AGAP1: variants seen among roughly 807,000 people sequenced by gnomAD.
AGAP1 encodes ArfGAP with GTPase domain, ankyrin repeat and PH domain 1, also known as arf-GAP with GTPase, ANK repeat and PH domain-containing protein 1.
In AGAP1, 29 loss-of-function variants were observed where a neutral mutation model predicts 105.3. The ratio of observed to expected loss-of-function variants is 0.28; its 90% CI spans 0.21 to 0.38. The LOEUF is 0.38. Ranked by LOEUF, AGAP1 falls within the 10% of genes least tolerant of loss-of-function variation. AGAP1 has a pLI of 1.00. For synonymous variants in AGAP1, 509 were observed against 485.9 expected (o/e 1.05, Z -0.63); for missense variants, 998 against 1,165.1 (o/e 0.86, Z 2.09).
intron 9 of AGAP1, among the ~76,000 whole-genome samples, chr2:235,818,519 T>C (rs372761637): frequency 2.8e-4 from 43 of 152,360 alleles, no homozygotes; most frequent in African/African-American, 1.0e-3. Context: ...CTCAGCTCAC[T>C]GCAACCTCTG....
rs1408593979 is a variant in AGAP1 at position 235,866,665 on chromosome 2, T to C, written c.1051-16680T>C. Among the ~76,000 whole-genome samples the C allele has an allele frequency of 6.6e-6, 1 of 152,216 alleles. No individual in the cohort carries two copies. The highest frequency in any genetic ancestry group is 1.5e-5 in the Non-Finnish European group (1 of 68,032). On this transcript the variant is annotated intron_variant, in intron 9 of 17. Coordinates refer to ENST00000304032, the MANE Select transcript of AGAP1 (RefSeq NM_001037131.3). The surrounding 1 kb of genome is among the most constrained non-coding windows in gnomAD (Gnocchi z 6.1). ...TGCCATAACAGAAGACCACAGACTT[T>C]GTCTTAAACAGCAAACATTTATTGT...
chr2:236,040,757 C>T lies in AGAP1; in HGVS notation c.1807C>T (p.Leu603=). 1.2e-6 allele frequency: 2 copies of T among 1,613,284 alleles called. No homozygotes were observed. The highest frequency in any genetic ancestry group is 1.7e-6 in the Non-Finnish European group (2 of 1,180,036). The change falls in exon 15 of 18, where the codon CTG becomes TTG. Residue 603 remains leucine, a synonymous_variant. Transcript: ENST00000304032. The surrounding 1 kb of genome is among the most constrained non-coding windows in gnomAD (Gnocchi z 5.6). ...TGTCTTCCTCCGTGCCCAGTCCCGG[C>T]TGACGAGCCAGAGCGAGGCCATGGC... The part of the protein sequence containing the change: ...SCESSKNKSR[L]TSQSEAMALQ...
chr2:235,931,374 G>A lies in AGAP1; in HGVS notation c.1483+451G>A, dbSNP rs578180379. Among the ~76,000 whole-genome samples the A allele has an allele frequency of 9.2e-5, 14 of 152,234 alleles. No individual in the cohort carries two copies. In the South Asian group the frequency reaches 2.9e-3, roughly 32 times the overall value. The stretch of plus-strand genomic sequence containing the variant: ...TCCTTGTCTGTTTTCCAGAATTCCT[G>A]GTGTACCCTCTAAATTCTGGAGTCC... On this transcript the variant is annotated intron_variant, in intron 12 of 17. Coordinates refer to ENST00000304032, the MANE Select transcript of AGAP1 (RefSeq NM_001037131.3). This position sits in a 1 kb window ranked among gnomAD's most constrained non-coding sequence, Gnocchi z 5.6.
chr2:235,576,254 C>T (rs1427011863), intron 1 of AGAP1, among the ~76,000 whole-genome samples: 11 of 152,190 alleles, frequency 7.2e-5, no homozygotes, highest in Admixed American at 7.2e-4. Flanking sequence ...GAGTCTTTGT[C>T]CAGTTTGTCA....
At position 235,857,183 on chromosome 2, in the gene AGAP1, G is replaced by A. The variant is rs555398832; in HGVS notation, c.1051-26162G>A. 4.6e-5 allele frequency among the ~76,000 whole-genome samples: 7 copies of A among 152,270 alleles called. No individual in the cohort carries two copies. In the East Asian group the frequency reaches 9.7e-4, roughly 21 times the overall value. On this transcript the variant is annotated intron_variant, in intron 9 of 17. Coordinates refer to ENST00000304032, the MANE Select transcript of AGAP1 (RefSeq NM_001037131.3). ...AGTGAGTGAGCATTACTGCCTGAGC[G>A]CTGCCTCCCGTCAGATCAGCGGAGG...
intron 17 of AGAP1, among the ~76,000 whole-genome samples, chr2:236,122,640 T>C (rs2059926428): frequency 6.6e-6 from 1 of 151,814 alleles, no homozygotes; most frequent in Non-Finnish European, 1.5e-5. Flanking sequence ...AAAGATTCTA[T>C]GTGAGGACAT....
Position 235,979,778 on chromosome 2 carries a change from G to T in AGAP1, c.1645+11155G>T, listed in dbSNP as rs1289546750. Among the ~76,000 whole-genome samples the T allele has an allele frequency of 1.3e-5, 2 of 152,180 alleles. No individual in the cohort carries two copies. Among genetic ancestry groups the T allele is most frequent in the Non-Finnish European group, 2.9e-5 (2 of 68,030 alleles). ...CATTGTATCAGAGTTCATGAAAAGTGCCTACTGCACACAGTTTAATTCTAT... is the reference window on the plus strand; with the variant it reads ...CATTGTATCAGAGTTCATGAAAAGTTCCTACTGCACACAGTTTAATTCTAT... On this transcript the variant is annotated intron_variant, in intron 13 of 17. Transcript: ENST00000304032. This position sits in a 1 kb window ranked among gnomAD's most constrained non-coding sequence, Gnocchi z 4.5.
chr2:235,663,810 C>T lies in AGAP1; in HGVS notation c.164-45369C>T, dbSNP rs1948040298. On this transcript the variant is annotated intron_variant, in intron 1 of 17. Coordinates refer to ENST00000304032, the MANE Select transcript of AGAP1 (RefSeq NM_001037131.3). This position sits in a 1 kb window ranked among gnomAD's most constrained non-coding sequence, Gnocchi z 5.4. ...GAAGGAATGTCTGCATGAAGACCAT[C>T]GTACAGATGGCGATATTAGAAGAGT... is the stretch of plus-strand genomic sequence containing the variant. 6.6e-6 allele frequency among the ~76,000 whole-genome samples: 1 copy of T among 152,148 alleles called. No individual in the cohort carries two copies. The highest frequency in any genetic ancestry group is 2.1e-4 in the South Asian group (1 of 4,822).
chr2:235,762,470 A>G (rs867596905), intron 6 of AGAP1, among the ~76,000 whole-genome samples: 1 of 152,150 alleles, frequency 6.6e-6, no homozygotes, highest in Non-Finnish European at 1.5e-5. Flanking sequence ...GCAGAGCCTC[A>G]TCGAAGCGTT....
At chr2:235,666,108 C>A (rs1362594537) in intron 1 of AGAP1, among the ~76,000 whole-genome samples, 6 of 152,072 alleles carry the variant, frequency 3.9e-5, no homozygotes, top group Non-Finnish European at 8.8e-5. Context: ...CCTGAACTCT[C>A]CTCTGCAGTC....
At chr2:235,817,934 TAG>T (rs1170582957) in intron 9 of AGAP1, among the ~76,000 whole-genome samples, 2 of 152,208 alleles carry the variant, frequency 1.3e-5, no homozygotes, top group Non-Finnish European at 2.9e-5. Context: ...TGTTCCTAGT[TAG>T]ACATTGTCCA....
chr2:235,783,164 C>G (rs1242703693), intron 6 of AGAP1: 1 of 340,136 alleles, frequency 2.9e-6, no homozygotes, highest in Non-Finnish European at 5.8e-6. Context: ...ACCATGATGT[C>G]ACCAAAGACA....
chr2:235,943,198 A>G (rs559279645), intron 12 of AGAP1, among the ~76,000 whole-genome samples: 1 of 152,306 alleles, frequency 6.6e-6, no homozygotes, highest in Admixed American at 6.5e-5. Flanking sequence ...GCTCAGTTCC[A>G]CAACCTAGGA....
chr2:235,583,051 A>G (rs1486543633), intron 1 of AGAP1, among the ~76,000 whole-genome samples: 1 of 152,188 alleles, frequency 6.6e-6, no homozygotes, highest in African/African-American at 2.4e-5. Flanking sequence ...TGCATTTTCT[A>G]GAATAAACTT....
chr2:235,700,122 T>C lies in AGAP1; in HGVS notation c.164-9057T>C, dbSNP rs1292839991. Among the ~76,000 whole-genome samples, 1 of 152,110 alleles carries C rather than the reference T, an allele frequency of 6.6e-6. No individual in the cohort carries two copies. The highest frequency in any genetic ancestry group is 1.5e-5 in the Non-Finnish European group (1 of 68,026). ...TTGTTATCACCTTGGTTTATAACAG[T>C]GAGATGGAAACGGGATGGAATTGGG... On this transcript the variant is annotated intron_variant, in intron 1 of 17. Transcript: ENST00000304032. The surrounding 1 kb of genome is among the most constrained non-coding windows in gnomAD (Gnocchi z 6.1).
Position 236,125,497 on chromosome 2 carries a change from A to G in AGAP1, c.*1375A>G, listed in dbSNP as rs1184491379. On this transcript the variant is annotated 3_prime_UTR_variant, in exon 18 of 18. Transcript: ENST00000304032. This position sits in a 1 kb window ranked among gnomAD's most constrained non-coding sequence, Gnocchi z 5.2. The stretch of plus-strand genomic sequence containing the variant: ...AAGAAAAAAAAAGACACACTGGAGT[A>G]TATTAGAAAGGAAAAAGAAGGAATG... The G allele has an allele frequency of 6.6e-6, 1 of 152,248 alleles. No homozygotes were observed. Among genetic ancestry groups the G allele is most frequent in the Non-Finnish European group, 1.5e-5 (1 of 68,046 alleles). 9.4% of individuals were successfully genotyped at this position (152,248 alleles called of 1,614,324 possible). A position where few individuals can be genotyped will look rare whatever the true frequency, so the allele number is the denominator to read the frequency against.
At position 235,736,796 on chromosome 2, in the gene AGAP1, G is replaced by A. The variant is rs1012577002; in HGVS notation, c.311-4167G>A. Among the ~76,000 whole-genome samples the A allele has an allele frequency of 6.6e-6, 1 of 152,134 alleles. No individual in the cohort carries two copies. The highest frequency in any genetic ancestry group is 6.5e-5 in the Admixed American group (1 of 15,278). ...GTCGAGGCTGCAGTGAGTCATGTCC[G>A]TGCCACCGCACTCCAGCCTAGGCAA... On this transcript the variant is annotated intron_variant, in intron 3 of 17. Transcript: ENST00000304032. The surrounding 1 kb of genome is among the most constrained non-coding windows in gnomAD (Gnocchi z 5.5).
rs150688273 is a variant in AGAP1 at position 235,604,991 on chromosome 2, G to A, written c.164-104188G>A. Among the ~76,000 whole-genome samples, 986 of 151,510 alleles carry A rather than the reference G, an allele frequency of 6.5e-3. 11 individuals carry two copies. Among genetic ancestry groups the A allele is most frequent in the African/African-American group, 0.023 (961 of 41,282 alleles). On this transcript the variant is annotated intron_variant, in intron 1 of 17. Coordinates refer to ENST00000304032, the MANE Select transcript of AGAP1 (RefSeq NM_001037131.3). ...TGTCTCCCAGGTTTAAGCGATTCTC[G>A]TGCCTCAGCCTCCCAAGTAGCTGGC...
intron 6 of AGAP1, among the ~76,000 whole-genome samples, chr2:235,778,945 T>A (rs1371625801): frequency 5.9e-5 from 9 of 152,178 alleles, no homozygotes; most frequent in Non-Finnish European, 1.2e-4. Context: ...CTCACATGGA[T>A]CAACTGACTT....
Sources: gnomAD v4.1 joint callset for allele counts (sites outside exome capture counted in the v4.1 genomes callset) on GRCh38, gnomAD v4.1.1 for gene constraint, Gnocchi (gnomAD v3.1) non-coding constraint, MANE v1.5 for transcripts, NCBI Gene and HGNC (gene_info 2026-07-23, HGNC 2026-07-21) for gene names.